The following PITPNC1 variants were observed in gnomAD, a reference collection of about 807,000 sequenced individuals.
PITPNC1 encodes the protein cytoplasmic phosphatidylinositol transfer protein 1.
Under a neutral mutation model 44.7 loss-of-function variants are expected in PITPNC1, and 18 were observed. The ratio of observed to expected loss-of-function variants is 0.40; its 90% CI spans 0.28 to 0.60. The LOEUF is 0.60. Ranked by LOEUF, PITPNC1 falls within the 20% of genes least tolerant of loss-of-function variation. The pLI, the probability that PITPNC1 is intolerant of heterozygous loss-of-function variation, is 0.39. For synonymous variants in PITPNC1, 141 were observed against 149.6 expected (o/e 0.94, Z 0.42); for missense variants, 290 against 418.4 (o/e 0.69, Z 2.68).
rs1045635173 is a variant in PITPNC1 at position 67,663,365 on chromosome 17, C to T, written c.463-6143C>T. 5.3e-5 allele frequency among the ~76,000 whole-genome samples: 8 copies of T among 151,922 alleles called. No individual in the cohort carries two copies. In the East Asian group the frequency reaches 5.8e-4, roughly 11 times the overall value. Reference sequence around the variant, plus strand: ...CGGGTGGATCACGAGGTCAGGAGATCGAGACCATCCTGGCTAACACAGTGA... The same window carrying T: ...CGGGTGGATCACGAGGTCAGGAGATTGAGACCATCCTGGCTAACACAGTGA... On this transcript the variant is annotated intron_variant, in intron 6 of 8. Coordinates refer to ENST00000581322, the MANE Select transcript of PITPNC1 (RefSeq NM_012417.4).
intron 4 of PITPNC1, among the ~76,000 whole-genome samples, chr17:67,574,050 G>A (rs185614980): frequency 8.6e-4 from 131 of 152,304 alleles, no homozygotes; most frequent in South Asian, 1.7e-3. Flanking sequence ...ATGAAACAAG[G>A]TTCCAGAGAA....
chr17:67,571,196 T>G (rs1192276929), intron 4 of PITPNC1, among the ~76,000 whole-genome samples: 1 of 152,180 alleles, frequency 6.6e-6, no homozygotes. Flanking sequence ...TTTAGGAGGC[T>G]GAGGTTGGAG....
intron 6 of PITPNC1, among the ~76,000 whole-genome samples, chr17:67,647,463 GGTTTT>G (rs1172898940): frequency 2.2e-5 from 2 of 90,614 alleles, no homozygotes; most frequent in African/African-American, 5.0e-5. Flanking sequence ...GCTAATTTTG[GGTTTT>G]TTTTTTTTTT....
intron 1 of PITPNC1, among the ~76,000 whole-genome samples, chr17:67,521,942 G>T (rs1457548020): frequency 6.6e-6 from 1 of 152,072 alleles, no homozygotes; most frequent in African/African-American, 2.4e-5. Flanking sequence ...TGCAACATTG[G>T]GCACGCAGTC....
intron 5 of PITPNC1, among the ~76,000 whole-genome samples, chr17:67,582,139 T>C (rs918377423): frequency 6.6e-6 from 1 of 152,234 alleles, no homozygotes; most frequent in African/African-American, 2.4e-5. Flanking sequence ...CTAACAATTC[T>C]TTAATTACTA....
chr17:67,432,636 C>G (rs992371298), intron 1 of PITPNC1, among the ~76,000 whole-genome samples: 4 of 152,188 alleles, frequency 2.6e-5, no homozygotes, highest in Admixed American at 1.3e-4. Flanking sequence ...AAAAAGTCCT[C>G]TTATTCAAAG....
intron 1 of PITPNC1, among the ~76,000 whole-genome samples, chr17:67,517,505 A>G (rs895597742): frequency 6.6e-6 from 1 of 152,234 alleles, no homozygotes; most frequent in African/African-American, 2.4e-5. Context: ...CAAGGTGGAA[A>G]CCACCCAAAT....
rs76900093 is a variant in PITPNC1 at position 67,595,565 on chromosome 17, G to T, written c.366+17308G>T. On this transcript the variant is annotated intron_variant, in intron 5 of 8. Coordinates refer to ENST00000581322, the MANE Select transcript of PITPNC1 (RefSeq NM_012417.4). ...CAAAGCAATTTCTGCCTTTTGATGC[G>T]CTGAAATCATTGCTTCCATCTGCTC... 7.2e-3 allele frequency among the ~76,000 whole-genome samples: 1,091 copies of T among 151,950 alleles called. 5 individuals carry two copies. The highest frequency in any genetic ancestry group is 0.017 in the Middle Eastern group (5 of 292).
At chr17:67,426,599 G>A (rs1345887084) in intron 1 of PITPNC1, among the ~76,000 whole-genome samples, 1 of 151,922 alleles carries the variant, frequency 6.6e-6, no homozygotes, top group East Asian at 1.9e-4. Flanking sequence ...CACACACCGG[G>A]GCCTGTTGGA....
intron 1 of PITPNC1, among the ~76,000 whole-genome samples, chr17:67,499,307 T>C (rs571340925): frequency 3.9e-5 from 6 of 152,238 alleles, no homozygotes; most frequent in Admixed American, 3.3e-4. Flanking sequence ...CTTCACCTCC[T>C]GGGCTCAAGT....
intron 1 of PITPNC1, among the ~76,000 whole-genome samples, chr17:67,401,962 C>T (rs2038321500): frequency 6.6e-6 from 1 of 152,230 alleles, no homozygotes; most frequent in African/African-American, 2.4e-5. Flanking sequence ...TTGTCTCCCT[C>T]ACCATTCCTG....
chr17:67,384,561 G>C (rs1290547539), intron 1 of PITPNC1, among the ~76,000 whole-genome samples: 2 of 152,262 alleles, frequency 1.3e-5, no homozygotes, highest in South Asian at 4.1e-4. Context: ...GAGTATCTGG[G>C]ATTACAGGCG....
chr17:67,623,526 A>G (rs2041859323), intron 5 of PITPNC1, among the ~76,000 whole-genome samples: 2 of 152,160 alleles, frequency 1.3e-5, no homozygotes, highest in South Asian at 4.1e-4. Context: ...CTGGGACTAC[A>G]GGCATACGCC....
intron 4 of PITPNC1, among the ~76,000 whole-genome samples, chr17:67,566,566 GT>G (rs2040984017): frequency 6.6e-6 from 1 of 152,152 alleles, no homozygotes; most frequent in Admixed American, 6.5e-5. Context: ...TTTCAATTCA[GT>G]TTTTGAAAAT....
intron 1 of PITPNC1, among the ~76,000 whole-genome samples, chr17:67,480,933 A>T (rs554293963): frequency 6.6e-6 from 1 of 152,344 alleles, no homozygotes; most frequent in Admixed American, 6.5e-5. Context: ...CAGGCTGGGT[A>T]CTGTGGCTCA....
chr17:67,595,406 A>T (rs1469429607), intron 5 of PITPNC1, among the ~76,000 whole-genome samples: 1 of 151,906 alleles, frequency 6.6e-6, no homozygotes, highest in Non-Finnish European at 1.5e-5. Context: ...CCTGGATGCC[A>T]TCTATCTGAT....
intron 1 of PITPNC1, among the ~76,000 whole-genome samples, chr17:67,513,389 ATAT>A (rs1568021453): frequency 1.3e-5 from 2 of 148,484 alleles, no homozygotes; most frequent in Admixed American, 6.8e-5. Flanking sequence ...ATCTATATCT[ATAT>A]CTATATCTAT....
chr17:67,604,741 C>T (rs1158031564), intron 5 of PITPNC1, among the ~76,000 whole-genome samples: 6 of 152,032 alleles, frequency 3.9e-5, no homozygotes, highest in Non-Finnish European at 1.5e-5. Context: ...TGAGAACTTG[C>T]CACTGCACTC....
intron 1 of PITPNC1, among the ~76,000 whole-genome samples, chr17:67,469,401 T>C (rs2039479572): frequency 6.6e-6 from 1 of 152,174 alleles, no homozygotes. Context: ...CCGTAGCTTA[T>C]TAGAAATGCA....
Sources: gnomAD v4.1 joint callset for allele counts (sites outside exome capture counted in the v4.1 genomes callset) on GRCh38, gnomAD v4.1.1 for gene constraint, MANE v1.5 for transcripts, NCBI Gene and HGNC (gene_info 2026-07-23, HGNC 2026-07-21) for gene names.